The following PACRG variants were observed in gnomAD, a reference collection of about 807,000 sequenced individuals.
PACRG encodes parkin coregulated.
Under a neutral mutation model 29.7 loss-of-function variants are expected in PACRG, and 29 were observed. The observed-to-expected ratio is 0.98, with a 90% CI of 0.73 to 1.33. The LOEUF is 1.33. PACRG is among the 40% of genes most tolerant of loss of function. PACRG has a pLI of 0.00. For synonymous variants in PACRG, 116 were observed against 118.7 expected (o/e 0.98, Z 0.15); for missense variants, 279 against 316.2 (o/e 0.88, Z 0.89).
intron 4 of PACRG, among the ~76,000 whole-genome samples, chr6:163,226,163 A>T (rs550150919): frequency 6.6e-6 from 1 of 152,270 alleles, no homozygotes; most frequent in Non-Finnish European, 1.5e-5. Context: ...AGTCAAATTC[A>T]TAGAAGCAGA....
At chr6:163,246,448 T>C (rs572308073) in intron 4 of PACRG, among the ~76,000 whole-genome samples, 4 of 152,338 alleles carry the variant, frequency 2.6e-5, no homozygotes, top group African/African-American at 9.6e-5. Context: ...GATCCAGACC[T>C]ACAGGCTCAG....
At chr6:162,741,631 A>G (rs964736455) in intron 1 of PACRG, among the ~76,000 whole-genome samples, 2 of 152,148 alleles carry the variant, frequency 1.3e-5, no homozygotes, top group Non-Finnish European at 2.9e-5. Context: ...AATACTTCAC[A>G]TTAGGGATTA....
chr6:163,131,289 G>A (rs1322091569), intron 4 of PACRG, among the ~76,000 whole-genome samples: 4 of 150,278 alleles, frequency 2.7e-5, no homozygotes, highest in Admixed American at 6.6e-5. Flanking sequence ...TCCAGCCTGG[G>A]CGACAGAGCG....
At chr6:163,209,940 T>C (rs564706072) in intron 4 of PACRG, among the ~76,000 whole-genome samples, 1 of 152,288 alleles carries the variant, frequency 6.6e-6, no homozygotes, top group African/African-American at 2.4e-5. Context: ...AGTAAGAGTA[T>C]ATGTGTGAAG....
chr6:162,932,136 T>C (rs1056898666), intron 2 of PACRG, among the ~76,000 whole-genome samples: 1 of 151,986 alleles, frequency 6.6e-6, no homozygotes, highest in Non-Finnish European at 1.5e-5. Flanking sequence ...AAAAAAGTAA[T>C]GTTGAATAAA....
chr6:162,804,043 C>T (rs764695254), intron 1 of PACRG, among the ~76,000 whole-genome samples: 12 of 151,900 alleles, frequency 7.9e-5, no homozygotes, highest in Admixed American at 2.6e-4. Flanking sequence ...ATGGCAACAT[C>T]GAAACATATT....
chr6:162,847,029 G>A (rs113878615), intron 2 of PACRG, among the ~76,000 whole-genome samples: 8 of 116,564 alleles, frequency 6.9e-5, no homozygotes, highest in African/African-American at 2.4e-4. Flanking sequence ...CCACACTGCC[G>A]TGCTCCTCAC....
intron 4 of PACRG, among the ~76,000 whole-genome samples, chr6:163,117,928 C>CT (rs1173182391): frequency 6.6e-6 from 1 of 152,138 alleles, no homozygotes; most frequent in Non-Finnish European, 1.5e-5. Flanking sequence ...GAATTGACAA[C>CT]ATGGCTGTTC....
intron 4 of PACRG, among the ~76,000 whole-genome samples, chr6:163,109,962 G>A (rs1815616753): frequency 7.2e-6 from 1 of 138,184 alleles, no homozygotes; most frequent in Non-Finnish European, 1.5e-5. Flanking sequence ...ACAAGATAGA[G>A]CTTGACCACT....
chr6:163,149,742 C>G (rs73784506), intron 4 of PACRG, among the ~76,000 whole-genome samples: 2,663 of 152,276 alleles, frequency 0.017, 73 homozygotes, highest in African/African-American at 0.06. Flanking sequence ...CTCCCCCGAC[C>G]CCGGGCCAGC....
intron 2 of PACRG, among the ~76,000 whole-genome samples, chr6:162,823,406 C>T (rs1365167934): frequency 6.6e-6 from 1 of 152,008 alleles, no homozygotes; most frequent in Non-Finnish European, 1.5e-5. Context: ...ACAAATATTA[C>T]ATGTAGATTA....
intron 4 of PACRG, among the ~76,000 whole-genome samples, chr6:163,256,622 A>T (rs1783117603): frequency 6.6e-6 from 1 of 152,190 alleles, no homozygotes; most frequent in Admixed American, 6.5e-5. Context: ...AGCACATGCA[A>T]AGGCCCCAAG....
intron 2 of PACRG, among the ~76,000 whole-genome samples, chr6:163,045,093 C>A (rs1255204736): frequency 1.3e-5 from 2 of 152,122 alleles, no homozygotes; most frequent in South Asian, 2.1e-4. Context: ...GAGATGCCAG[C>A]AACTCTGTTG....
In PACRG at chr6:163,273,368, C is replaced by T. The variant is rs529392522; in HGVS notation, c.614-41459C>T. ...TGTTTTTTTGTTTTGTTTTGTTTGTCGTTCTTGTTGTTGTTGTTGTTTCCC... is the reference window on the plus strand; with the variant it reads ...TGTTTTTTTGTTTTGTTTTGTTTGTTGTTCTTGTTGTTGTTGTTGTTTCCC... On this transcript the variant is annotated intron_variant, in intron 4 of 4. Coordinates refer to ENST00000366888, the MANE Select transcript of PACRG (RefSeq NM_001080379.2). Among the ~76,000 whole-genome samples, 159 of 151,990 alleles carry T rather than the reference C, an allele frequency of 1.0e-3. 3 individuals carry two copies. The highest frequency in any genetic ancestry group is 2.3e-3 in the South Asian group (11 of 4,810).
chr6:163,061,259 T>C (rs1461896750), intron 2 of PACRG, among the ~76,000 whole-genome samples: 1 of 152,206 alleles, frequency 6.6e-6, no homozygotes, highest in Non-Finnish European at 1.5e-5. Flanking sequence ...CACCTTCAGC[T>C]CTGCCGCCTT....
chr6:163,192,385 T>C (rs900568859), intron 4 of PACRG, among the ~76,000 whole-genome samples: 1 of 152,278 alleles, frequency 6.6e-6, no homozygotes, highest in Non-Finnish European at 1.5e-5. Context: ...ATCCATTGTT[T>C]AGAACTGTAA....
chr6:162,926,846 A>G (rs928089264), intron 2 of PACRG, among the ~76,000 whole-genome samples: 13 of 152,142 alleles, frequency 8.5e-5, no homozygotes, highest in Admixed American at 8.5e-4. Flanking sequence ...AGCAAAGGAA[A>G]CTGTCATCAG....
At chr6:163,179,800 G>C (rs988710431) in intron 4 of PACRG, among the ~76,000 whole-genome samples, 2 of 152,078 alleles carry the variant, frequency 1.3e-5, no homozygotes, top group African/African-American at 4.8e-5. Flanking sequence ...AAGTGTTATG[G>C]TGGGATCCAA....
At chr6:162,847,107 T>C (rs1349482701) in intron 2 of PACRG, among the ~76,000 whole-genome samples, 4 of 143,268 alleles carry the variant, frequency 2.8e-5, no homozygotes, top group Non-Finnish European at 6.3e-5. Flanking sequence ...CCCCACACTG[T>C]CCACTGTGCT....
Sources: gnomAD v4.1 joint callset for allele counts (sites outside exome capture counted in the v4.1 genomes callset) on GRCh38, gnomAD v4.1.1 for gene constraint, MANE v1.5 for transcripts, NCBI Gene and HGNC (gene_info 2026-07-23, HGNC 2026-07-21) for gene names.